The following TMPRSS15 variants were observed in gnomAD, a reference collection of about 807,000 sequenced individuals.
TMPRSS15 encodes enteropeptidase.
A neutral mutation model predicts 125.3 loss-of-function variants in TMPRSS15; 128 were observed. The ratio of observed to expected loss-of-function variants is 1.02; its 90% confidence interval spans 0.89 to 1.18. The LOEUF (loss-of-function observed/expected upper bound fraction) is 1.18, where lower values mean the gene tolerates loss of function less well. Ranked by LOEUF, TMPRSS15 falls within the 50% of genes most tolerant of loss-of-function variation. The pLI is 0.00. For missense variants in TMPRSS15, 1,283 were observed against 1,212.7 expected (o/e 1.06, Z -0.86); for synonymous variants, 446 against 423.2 (o/e 1.05, Z -0.66).
chr21:18,277,665 A>G (rs1003307339), intron 23 of TMPRSS15, among the ~76,000 whole-genome samples: 10 of 152,344 alleles, frequency 6.6e-5, no homozygotes, highest in South Asian at 6.2e-4. Flanking sequence ...TTCTCTTATA[A>G]TAGGTAACGA....
intron 23 of TMPRSS15, among the ~76,000 whole-genome samples, chr21:18,278,210 G>T (rs2074644593): frequency 6.6e-6 from 1 of 152,040 alleles, no homozygotes; most frequent in Admixed American, 6.6e-5. Context: ...AATGTGACAG[G>T]TAATAATTTG....
chr21:18,283,148 C>T (rs2074721489), intron 21 of TMPRSS15, among the ~76,000 whole-genome samples: 1 of 152,146 alleles, frequency 6.6e-6, no homozygotes, highest in Non-Finnish European at 1.5e-5. Flanking sequence ...CAGCACCCCA[C>T]TTCCACTGTA....
At position 18,282,970 on chromosome 21, in the gene TMPRSS15, G is replaced by A. The variant is rs1225359565; in HGVS notation, c.2487-1749C>T. ...CTTTCCCTGCTCCCACATAGGGGAA[G>A]TTATCTCTGCTCCTAGTGGTTGGTG... On this transcript the variant is annotated intron_variant, in intron 21 of 24. Coordinates refer to ENST00000284885, the MANE Select transcript of TMPRSS15 (RefSeq NM_002772.3). Among the ~76,000 whole-genome samples the A allele has an allele frequency of 2.0e-5, 3 of 152,182 alleles. No homozygotes were observed. In the East Asian group the frequency reaches 5.8e-4, roughly 29 times the overall value.
At chr21:18,441,153 T>G (rs2076240493) in intron 1 of TMPRSS15, among the ~76,000 whole-genome samples, 1 of 151,688 alleles carries the variant, frequency 6.6e-6, no homozygotes, top group South Asian at 2.1e-4. Context: ...ATGAGCCAGG[T>G]GTGGTGGCAT....
chr21:18,468,629 G>T (rs1171401047), intron 1 of TMPRSS15, among the ~76,000 whole-genome samples: 2 of 151,936 alleles, frequency 1.3e-5, no homozygotes, highest in Admixed American at 6.6e-5. Context: ...TCTCATATTT[G>T]ATTTACAAAT....
chr21:18,280,608 A>C (rs922705966), intron 22 of TMPRSS15, among the ~76,000 whole-genome samples: 2 of 151,358 alleles, frequency 1.3e-5, no homozygotes, highest in African/African-American at 4.9e-5. Context: ...ACAAAACAAC[A>C]AAAAACCAAA....
At chr21:18,451,393 T>C (rs913342260) in intron 1 of TMPRSS15, among the ~76,000 whole-genome samples, 1 of 152,206 alleles carries the variant, frequency 6.6e-6, no homozygotes, top group African/African-American at 2.4e-5. Context: ...CCTTTTTTTT[T>C]TGAGTTGTTA....
intron 1 of TMPRSS15, among the ~76,000 whole-genome samples, chr21:18,453,689 A>G (rs766071003): frequency 1.3e-5 from 2 of 152,244 alleles, no homozygotes; most frequent in Non-Finnish European, 2.9e-5. Flanking sequence ...TCTCTAAGAG[A>G]TATCTGCACT....
At chr21:18,366,044 T>G (rs1034095183) in intron 6 of TMPRSS15, among the ~76,000 whole-genome samples, 7 of 152,116 alleles carry the variant, frequency 4.6e-5, no homozygotes, top group Non-Finnish European at 1.0e-4. Flanking sequence ...CCAAAAGCAT[T>G]GTCTTTCTAA....
intron 18 of TMPRSS15, among the ~76,000 whole-genome samples, chr21:18,304,494 T>C (rs1006863452): frequency 6.6e-6 from 1 of 152,212 alleles, no homozygotes. Context: ...TGGAAGTTCA[T>C]GATAACATGT....
At chr21:18,324,867 T>G (rs2075273591) in intron 16 of TMPRSS15, among the ~76,000 whole-genome samples, 1 of 152,086 alleles carries the variant, frequency 6.6e-6, no homozygotes, top group Admixed American at 6.5e-5. Context: ...TGAATTAAAT[T>G]AAAATAATAG....
intron 1 of TMPRSS15, among the ~76,000 whole-genome samples, chr21:18,423,364 T>C (rs2076196116): frequency 6.6e-6 from 1 of 152,082 alleles, no homozygotes; most frequent in Non-Finnish European, 1.5e-5. Context: ...TTTGCTTCTG[T>C]GTATTCACTC....
rs547776905 is a variant in TMPRSS15, at chr21:18,473,428, T to C, written c.10+12371A>G. 3.9e-5 allele frequency among the ~76,000 whole-genome samples: 6 copies of C among 152,208 alleles called. No individual in the cohort carries two copies. The East Asian group carries it at 1.2e-3, about 29-fold the overall frequency. ...GTATCGATTATAATCAGGAAAAGCA[T>C]GCTAAATAGATCAAAAAAGAACCTC... On this transcript the variant is annotated intron_variant, in intron 1 of 7. Coordinates refer to the TMPRSS15 transcript ENST00000422787.
At chr21:18,436,506 G>A (rs1485402358) in intron 1 of TMPRSS15, among the ~76,000 whole-genome samples, 11 of 151,912 alleles carry the variant, frequency 7.2e-5, no homozygotes, top group African/African-American at 2.7e-4. Context: ...AATTGTCCCT[G>A]TTTGCAGATG....
chr21:18,408,905 TTTA>T (rs2076158942), intron 1 of TMPRSS15, among the ~76,000 whole-genome samples: 2 of 152,130 alleles, frequency 1.3e-5, no homozygotes, highest in Non-Finnish European at 2.9e-5. Flanking sequence ...CTAGTCCTCC[TTTA>T]TTGTTATAAA....
In TMPRSS15 at chr21:18,383,626, C is replaced by T; in HGVS notation, c.496+1G>A. ...AGAAATCAAATAATGTTCACACATA[C>T]CTAGGATATCAACGCTGTTCAAATC... On this transcript the variant is annotated splice_donor_variant, in intron 4 of 24. Transcript: ENST00000284885. LOFTEE classifies it high-confidence loss of function. The T allele has an allele frequency of 6.2e-7, 1 of 1,613,488 alleles. No homozygotes were observed. Among genetic ancestry groups the T allele is most frequent in the Non-Finnish European group, 8.5e-7 (1 of 1,179,820 alleles).
chr21:18,448,905 G>C (rs894459586), intron 1 of TMPRSS15, among the ~76,000 whole-genome samples: 17 of 152,080 alleles, frequency 1.1e-4, no homozygotes, highest in African/African-American at 4.1e-4. Flanking sequence ...AAAGTTGCCT[G>C]ATATTTTGAG....
At position 18,316,776 on chromosome 21, in the gene TMPRSS15, G is replaced by A. The variant is rs117042272; in HGVS notation, c.1922-1520C>T. ...TCCTGAGATTGTTCGGTCTTTAAAAGTTTTGTTCTGGGAGAGCCCTCATAT... is the reference window on the plus strand; with the variant it reads ...TCCTGAGATTGTTCGGTCTTTAAAAATTTTGTTCTGGGAGAGCCCTCATAT... On this transcript the variant is annotated intron_variant, in intron 16 of 24. Coordinates refer to ENST00000284885, the MANE Select transcript of TMPRSS15 (RefSeq NM_002772.3). Among the ~76,000 whole-genome samples the A allele has an allele frequency of 9.9e-4, 151 of 152,292 alleles. 2 individuals are homozygous for A. In the East Asian group the frequency reaches 0.027, roughly 27 times the overall value.
chr21:18,309,288 T>G (rs1018325303), intron 18 of TMPRSS15, among the ~76,000 whole-genome samples: 22 of 152,224 alleles, frequency 1.4e-4, no homozygotes, highest in African/African-American at 5.3e-4. Context: ...ACGTAAGACC[T>G]AAAACCACAA....
Sources: allele counts gnomAD v4.1 joint callset (sites outside exome capture counted in the v4.1 genomes callset), GRCh38; gene constraint gnomAD v4.1.1; transcripts MANE v1.5; gene names NCBI Gene and HGNC (gene_info 2026-07-23, HGNC 2026-07-21).